Variants in ANKS1B observed in about 807,000 individuals in gnomAD.
ANKS1B encodes the protein ankyrin repeat and sterile alpha motif domain-containing protein 1B.
ANKS1B carries 36 observed loss-of-function variants against 148.3 expected under a neutral mutation model. The observed-to-expected ratio is 0.24, with a 90% CI of 0.19 to 0.32. ANKS1B has a LOEUF of 0.32. ANKS1B is among the 10% of genes least tolerant of loss of function. The pLI, the probability that ANKS1B is intolerant of heterozygous loss-of-function variation, is 1.00. For missense variants in ANKS1B, 1,157 were observed against 1,542.6 expected (o/e 0.75, Z 4.19); for synonymous variants, 542 against 560.8 (o/e 0.97, Z 0.47).
At chr12:99,824,416 CT>C in intron 2 of ANKS1B, among the ~76,000 whole-genome samples, 1 of 152,014 alleles carries the variant, frequency 6.6e-6, no homozygotes, top group Middle Eastern at 3.4e-3. Flanking sequence ...AGGAGAATAA[CT>C]TGAATCCAGG....
intron 15 of ANKS1B, among the ~76,000 whole-genome samples, chr12:99,086,130 A>G (rs1214437819): frequency 6.6e-6 from 1 of 152,152 alleles, no homozygotes; most frequent in Non-Finnish European, 1.5e-5. Flanking sequence ...CCGTGATGGA[A>G]AGGGACTGTT....
chr12:99,871,552 T>C (rs2091520843), intron 1 of ANKS1B, among the ~76,000 whole-genome samples: 1 of 152,086 alleles, frequency 6.6e-6, no homozygotes, highest in African/African-American at 2.4e-5. Context: ...AGCATGGAAT[T>C]TTTTTCCAAT....
At chr12:99,234,348 A>G (rs2087457590) in intron 14 of ANKS1B, among the ~76,000 whole-genome samples, 1 of 152,114 alleles carries the variant, frequency 6.6e-6, no homozygotes, top group Non-Finnish European at 1.5e-5. Flanking sequence ...GGTACTCTGG[A>G]ATTTTATGCT....
Position 99,238,137 on chromosome 12 carries a change from T to G in ANKS1B, c.2419+6205A>C, listed in dbSNP as rs142283701. Among the ~76,000 whole-genome samples the G allele has an allele frequency of 3.5e-3, 533 of 152,340 alleles. 17 individuals are homozygous for G. In the East Asian group the frequency reaches 0.068, roughly 19 times the overall value. On this transcript the variant is annotated intron_variant, in intron 14 of 26. Coordinates refer to ENST00000683438, the MANE Select transcript of ANKS1B (RefSeq NM_001352186.2). ...GTGCAAGGGGTTGGGGGATTTCCCC[T>G]TCCTAGCCAAGGGAAACTGTGACAG...
intron 12 of ANKS1B, among the ~76,000 whole-genome samples, chr12:99,399,210 T>C (rs1053264731): frequency 5.3e-5 from 8 of 152,094 alleles, no homozygotes; most frequent in Non-Finnish European, 1.2e-4. Context: ...AAGTTCACCA[T>C]GGTTTAAATA....
chr12:99,094,870 T>C (rs890337938), intron 15 of ANKS1B, among the ~76,000 whole-genome samples: 23 of 152,180 alleles, frequency 1.5e-4, no homozygotes, highest in African/African-American at 5.6e-4. Flanking sequence ...TCTTCAAATA[T>C]ACTCTGGATT....
intron 11 of ANKS1B, among the ~76,000 whole-genome samples, chr12:99,429,685 C>T (rs1187808748): frequency 3.9e-5 from 6 of 152,158 alleles, no homozygotes; most frequent in African/African-American, 7.2e-5. Flanking sequence ...AACATGGGGC[C>T]GGGCGCGGTG....
intron 12 of ANKS1B, among the ~76,000 whole-genome samples, chr12:99,344,598 T>C (rs987222664): frequency 6.6e-6 from 1 of 152,058 alleles, no homozygotes; most frequent in Non-Finnish European, 1.5e-5. Flanking sequence ...ATCAAAGATT[T>C]ATAATTTCTT....
At chr12:99,452,405 G>C (rs1223841716) in intron 10 of ANKS1B, among the ~76,000 whole-genome samples, 4 of 152,008 alleles carry the variant, frequency 2.6e-5, no homozygotes, top group African/African-American at 9.7e-5. Context: ...TAAAAACTAA[G>C]GTTTTCAATA....
chr12:98,747,958 G>C (rs1350879253), intron 26 of ANKS1B, among the ~76,000 whole-genome samples: 1 of 152,216 alleles, frequency 6.6e-6, no homozygotes, highest in Non-Finnish European at 1.5e-5. Flanking sequence ...GTGAAGAAGG[G>C]AGAGTAGGGA....
At chr12:98,746,298 C>T (rs2097891097) in intron 26 of ANKS1B, among the ~76,000 whole-genome samples, 2 of 152,168 alleles carry the variant, frequency 1.3e-5, no homozygotes, top group African/African-American at 4.8e-5. Context: ...CTCCAGTACC[C>T]CTGCCCACCT....
intron 9 of ANKS1B, among the ~76,000 whole-genome samples, chr12:99,561,182 C>A (rs1017356352): frequency 3.9e-5 from 6 of 152,142 alleles, no homozygotes; most frequent in African/African-American, 1.4e-4. Context: ...TGAACTTTGC[C>A]ACATTAATTG....
chr12:99,817,906 T>C (rs1347084123), intron 2 of ANKS1B, among the ~76,000 whole-genome samples: 2 of 151,818 alleles, frequency 1.3e-5, no homozygotes, highest in East Asian at 3.9e-4. Context: ...TGGCTATTAA[T>C]CTGTTGCTAG....
intron 12 of ANKS1B, among the ~76,000 whole-genome samples, chr12:99,398,955 T>C (rs1262089400): frequency 6.6e-6 from 1 of 152,162 alleles, no homozygotes; most frequent in African/African-American, 2.4e-5. Flanking sequence ...TTTGTCTCTA[T>C]ATTGTATTTG....
chr12:99,892,520 A>G (rs1293412632), intron 1 of ANKS1B, among the ~76,000 whole-genome samples: 1 of 152,210 alleles, frequency 6.6e-6, no homozygotes, highest in African/African-American at 2.4e-5. Flanking sequence ...TGAATCCCCA[A>G]CCAGAAGTGG....
intron 14 of ANKS1B, chr12:99,154,846 C>T (rs1300729572): frequency 9.2e-6 from 14 of 1,529,316 alleles, no homozygotes; most frequent in East Asian, 4.9e-5. Flanking sequence ...TGCTCCCCCT[C>T]GCTCGCTCCC....
chr12:99,014,069 A>G (rs2099941004), intron 17 of ANKS1B, among the ~76,000 whole-genome samples: 1 of 152,170 alleles, frequency 6.6e-6, no homozygotes, highest in Admixed American at 6.5e-5. Context: ...AGCCAACACA[A>G]TCTTAGGCAA....
chr12:99,241,125 G>A (rs1031049697), intron 14 of ANKS1B, among the ~76,000 whole-genome samples: 1 of 152,018 alleles, frequency 6.6e-6, no homozygotes, highest in African/African-American at 2.4e-5. Flanking sequence ...TTTTTGAAAA[G>A]ATCAACAAAA....
At chr12:99,486,373 T>C (rs1197889264) in intron 10 of ANKS1B, among the ~76,000 whole-genome samples, 1 of 152,118 alleles carries the variant, frequency 6.6e-6, no homozygotes, top group Non-Finnish European at 1.5e-5. Flanking sequence ...ACGTTCTCAG[T>C]GTGTGAGCAA....
Sources: allele counts gnomAD v4.1 joint callset (sites outside exome capture counted in the v4.1 genomes callset), GRCh38; gene constraint gnomAD v4.1.1; transcripts MANE v1.5; gene names NCBI Gene and HGNC (gene_info 2026-07-23, HGNC 2026-07-21).